LEKR1: variants seen among roughly 807,000 people sequenced by gnomAD.
The protein encoded by LEKR1 is leucine, glutamate and lysine rich 1.
LEKR1 carries 59 observed loss-of-function variants against 72.4 expected under a neutral mutation model. That is an observed-to-expected ratio of 0.82 (90% CI 0.66 to 1.01). The LOEUF is 1.01. LEKR1 is among the 50% of genes least tolerant of loss of function. LEKR1 has a pLI of 0.00. For missense variants in LEKR1, 728 were observed against 759.2 expected (o/e 0.96, Z 0.48); for synonymous variants, 257 against 263.2 (o/e 0.98, Z 0.23).
intron 3 of LEKR1, among the ~76,000 whole-genome samples, chr3:156,912,371 T>G (rs922356640): frequency 6.6e-6 from 1 of 152,170 alleles, no homozygotes; most frequent in African/African-American, 2.4e-5. Flanking sequence ...CTGCCTCTGC[T>G]GCACAGTAGA....
chr3:157,038,140 G>A (rs1480657384), intron 12 of LEKR1, among the ~76,000 whole-genome samples: 1 of 152,070 alleles, frequency 6.6e-6, no homozygotes, highest in African/African-American at 2.4e-5. Flanking sequence ...ATAGGTTGAA[G>A]AGGGCAAAAA....
intron 6 of LEKR1, among the ~76,000 whole-genome samples, chr3:156,953,554 G>T (rs560000676): frequency 6.6e-6 from 1 of 151,730 alleles, no homozygotes; most frequent in South Asian, 2.1e-4. Flanking sequence ...TTCCCCATGT[G>T]TCCATATGTT....
At chr3:156,880,147 G>A (rs1719114090) in intron 3 of LEKR1, among the ~76,000 whole-genome samples, 1 of 152,214 alleles carries the variant, frequency 6.6e-6, no homozygotes. Context: ...AAAGGCTGCA[G>A]ATGCTTTTCA....
At chr3:156,948,627 C>T (rs1400525232) in intron 6 of LEKR1, among the ~76,000 whole-genome samples, 1 of 151,468 alleles carries the variant, frequency 6.6e-6, no homozygotes, top group Middle Eastern at 3.2e-3. Flanking sequence ...CTGCTATAAA[C>T]ATTTGCATGC....
chr3:157,035,179 G>A (rs1734875137), intron 12 of LEKR1, among the ~76,000 whole-genome samples: 1 of 152,110 alleles, frequency 6.6e-6, no homozygotes, highest in African/African-American at 2.4e-5. Flanking sequence ...TATGCAATGG[G>A]AAACCAAAAA....
chr3:157,017,681 G>C (rs781727298), intron 10 of LEKR1: 5 of 152,266 alleles, frequency 3.3e-5, no homozygotes, highest in Admixed American at 3.3e-4. Flanking sequence ...GCTCACGTCT[G>C]TAATCCCAGC....
At chr3:156,914,756 C>G (rs964869027) in intron 3 of LEKR1, among the ~76,000 whole-genome samples, 6 of 152,002 alleles carry the variant, frequency 3.9e-5, no homozygotes, top group Non-Finnish European at 5.9e-5. Context: ...TTGTAGAAAC[C>G]AGTCCAGTTG....
intron 12 of LEKR1, among the ~76,000 whole-genome samples, chr3:157,036,912 G>T (rs995883641): frequency 1.3e-5 from 2 of 152,110 alleles, no homozygotes; most frequent in African/African-American, 4.8e-5. Context: ...AGAAAATGAA[G>T]CAGAAAAATT....
chr3:157,007,191 ACT>A lies in LEKR1; in HGVS notation c.1110-4219_1110-4218del, dbSNP rs368444292. Among the ~76,000 whole-genome samples the A allele has an allele frequency of 6.7e-4, 102 of 152,132 alleles. 2 individuals carry two copies. The East Asian group carries it at 0.019, about 28-fold the overall frequency. On this transcript the variant is annotated intron_variant, in intron 9 of 12. Transcript: ENST00000356539. ...ACTCCAGCCTGGGCCACAGAGCGAG[ACT>A]CTGTCTCAAAAATAATAATAATAAA...
In LEKR1 at chr3:156,877,506, G is replaced by T. The variant is rs534232393; in HGVS notation, c.263+24524G>T. On this transcript the variant is annotated intron_variant, in intron 3 of 12. Transcript: ENST00000356539. ...GTTTTAGTCTCACTGCTTGTTATTG[G>T]TCTGTTCAGAGTTTCTATTTCTTCC... Among the ~76,000 whole-genome samples the T allele has an allele frequency of 1.9e-3, 291 of 152,136 alleles. 3 individuals are homozygous for T. Among genetic ancestry groups the T allele is most frequent in the African/African-American group, 6.7e-3 (280 of 41,544 alleles).
chr3:157,022,680 T>C (rs1391494044), intron 10 of LEKR1, among the ~76,000 whole-genome samples: 1 of 152,166 alleles, frequency 6.6e-6, no homozygotes, highest in Admixed American at 6.5e-5. Flanking sequence ...GAGGCACCTG[T>C]GAATTATCTA....
intron 2 of LEKR1, among the ~76,000 whole-genome samples, chr3:156,843,049 TC>T (rs1714141306): frequency 1.3e-5 from 2 of 152,216 alleles, no homozygotes; most frequent in African/African-American, 2.4e-5. Flanking sequence ...CTCCTACCTG[TC>T]CCTGACCTCG....
At chr3:157,008,320 A>C (rs977021609) in intron 9 of LEKR1, among the ~76,000 whole-genome samples, 1 of 152,000 alleles carries the variant, frequency 6.6e-6, no homozygotes, top group African/African-American at 2.4e-5. Flanking sequence ...ACATTGCTTC[A>C]CCTCGGTTTT....
chr3:157,030,510 A>G (rs1734524170), intron 12 of LEKR1, among the ~76,000 whole-genome samples: 1 of 152,354 alleles, frequency 6.6e-6, no homozygotes. Context: ...AGAATGATCT[A>G]AACAGAATTT....
intron 9 of LEKR1, among the ~76,000 whole-genome samples, chr3:157,009,923 G>A (rs2108021833): frequency 6.6e-6 from 1 of 151,938 alleles, no homozygotes; most frequent in Admixed American, 6.5e-5. Context: ...AGTGAGCTTT[G>A]GTAGTTTGTT....
chr3:156,886,047 A>T, intron 3 of LEKR1, among the ~76,000 whole-genome samples: 1 of 152,206 alleles, frequency 6.6e-6, no homozygotes, highest in Non-Finnish European at 1.5e-5. Flanking sequence ...TTGTGTTCAG[A>T]TACCAGGGCT....
At chr3:156,963,966 G>A (rs573620742) in intron 6 of LEKR1, among the ~76,000 whole-genome samples, 32 of 152,170 alleles carry the variant, frequency 2.1e-4, no homozygotes, top group Non-Finnish European at 4.6e-4. Flanking sequence ...GCTTTTATGT[G>A]GGGAAGGCAG....
At chr3:156,996,504 G>A (rs1731582427) in intron 9 of LEKR1, among the ~76,000 whole-genome samples, 1 of 152,212 alleles carries the variant, frequency 6.6e-6, no homozygotes, top group Non-Finnish European at 1.5e-5. Flanking sequence ...GCAATGAAGA[G>A]AAACCATTGA....
chr3:156,894,116 A>G (rs1033482316), intron 3 of LEKR1, among the ~76,000 whole-genome samples: 2 of 152,248 alleles, frequency 1.3e-5, no homozygotes, highest in African/African-American at 4.8e-5. Context: ...AGCAGACTTC[A>G]TCTTGGTCAG....
Sources: gnomAD v4.1 joint callset for allele counts (sites outside exome capture counted in the v4.1 genomes callset) on GRCh38, gnomAD v4.1.1 for gene constraint, MANE v1.5 for transcripts, NCBI Gene and HGNC (gene_info 2026-07-23, HGNC 2026-07-21) for gene names.